The following EHD4 variants were observed in gnomAD, a reference collection of about 807,000 sequenced individuals.
The protein encoded by EHD4 is EH domain containing 4, also known as EH domain-containing protein 4.
A neutral mutation model predicts 51.0 loss-of-function variants in EHD4; 37 were observed. That is an observed-to-expected ratio of 0.73 (90% CI 0.56 to 0.95). The LOEUF (loss-of-function observed/expected upper bound fraction) is 0.95, where lower values mean the gene tolerates loss of function less well. Among genes scored for constraint, EHD4 ranks in the 40% least tolerant of loss-of-function variants. The pLI is 0.00. For synonymous variants in EHD4, 297 were observed against 317.3 expected (o/e 0.94, Z 0.68); for missense variants, 632 against 733.1 (o/e 0.86, Z 1.59).
intron 5 of EHD4, chr15:41,908,753 C>G (rs917803899): frequency 6.6e-6 from 1 of 152,210 alleles, no homozygotes; most frequent in Non-Finnish European, 1.5e-5. Flanking sequence ...TAGCACACCT[C>G]GGGATGGTTT....
chr15:41,971,008 T>C (rs756760635), intron 1 of EHD4, among the ~76,000 whole-genome samples: 3 of 152,250 alleles, frequency 2.0e-5, no homozygotes, highest in Admixed American at 6.5e-5. Flanking sequence ...AAGCACCAAA[T>C]AAAGCAATTT....
At chr15:41,914,084 A>G (rs1036485651) in intron 4 of EHD4, among the ~76,000 whole-genome samples, 2 of 152,098 alleles carry the variant, frequency 1.3e-5, no homozygotes, top group African/African-American at 4.8e-5. Flanking sequence ...CACATGTACT[A>G]AAGAGTGATA....
At chr15:41,916,020 C>T (rs998439779) in intron 4 of EHD4, among the ~76,000 whole-genome samples, 1 of 152,142 alleles carries the variant, frequency 6.6e-6, no homozygotes, top group African/African-American at 2.4e-5. Context: ...ATTAAAACGG[C>T]GCACTTGCTT....
chr15:41,959,166 G>A (rs2067907599), intron 1 of EHD4, among the ~76,000 whole-genome samples: 1 of 151,892 alleles, frequency 6.6e-6, no homozygotes, highest in African/African-American at 2.4e-5. Flanking sequence ...GCCGAGGTGG[G>A]CGGATCACGA....
chr15:41,943,708 A>G (rs1458092270), intron 2 of EHD4, among the ~76,000 whole-genome samples: 1 of 152,230 alleles, frequency 6.6e-6, no homozygotes, highest in Admixed American at 6.5e-5. Flanking sequence ...TGCCTTCTTC[A>G]GGATGCACTG....
chr15:41,920,993 T>C (rs1850341162), intron 3 of EHD4, among the ~76,000 whole-genome samples: 1 of 152,184 alleles, frequency 6.6e-6, no homozygotes, highest in African/African-American at 2.4e-5. Flanking sequence ...GTGAATAATC[T>C]ATTAGGTGAA....
chr15:41,960,443 A>T (rs1793454489), intron 1 of EHD4, among the ~76,000 whole-genome samples: 1 of 152,204 alleles, frequency 6.6e-6, no homozygotes, highest in Non-Finnish European at 1.5e-5. Flanking sequence ...GTCTTTCCTC[A>T]TACCATTAAA....
chr15:41,904,098 C>T (rs958956635), intron 5 of EHD4, among the ~76,000 whole-genome samples: 3 of 152,188 alleles, frequency 2.0e-5, no homozygotes, highest in African/African-American at 7.2e-5. Context: ...TCCCCGGGTG[C>T]GTGAACACCT....
intron 4 of EHD4, among the ~76,000 whole-genome samples, chr15:41,918,683 C>A (rs887551512): frequency 1.3e-5 from 2 of 152,182 alleles, no homozygotes; most frequent in Non-Finnish European, 2.9e-5. Flanking sequence ...TGACCCAAAA[C>A]CAGCACACTC....
At chr15:41,952,952 T>C (rs2067861841) in intron 2 of EHD4, among the ~76,000 whole-genome samples, 2 of 127,196 alleles carry the variant, frequency 1.6e-5, no homozygotes, top group Non-Finnish European at 3.1e-5. Context: ...ATCATGCCAC[T>C]GCACTCCAGC....
intron 1 of EHD4, among the ~76,000 whole-genome samples, chr15:41,963,936 G>C (rs2067944295): frequency 6.6e-6 from 1 of 151,814 alleles, no homozygotes. Flanking sequence ...ATGAAGTCAG[G>C]AGATCGAGAC....
chr15:41,940,618 T>C (rs2140998077), intron 3 of EHD4, among the ~76,000 whole-genome samples: 1 of 152,350 alleles, frequency 6.6e-6, no homozygotes, highest in East Asian at 1.9e-4. Context: ...TGTCCGTCGG[T>C]GTGGCAGGGA....
At position 41,927,428 on chromosome 15, in the gene EHD4, A is replaced by T. The variant is rs2067670108; in HGVS notation, c.512-7806T>A. Among the ~76,000 whole-genome samples the T allele has an allele frequency of 7.2e-5, 11 of 152,364 alleles. 1 individual carries two copies. In the South Asian group the frequency reaches 2.3e-3, roughly 32 times the overall value. On this transcript the variant is annotated intron_variant, in intron 3 of 5. Coordinates refer to ENST00000220325, the MANE Select transcript of EHD4 (RefSeq NM_139265.4). The stretch of plus-strand genomic sequence containing the variant: ...TGGACGCTTTATGGCAACAGCCAAG[A>T]TGTAGAAATAAGAAAAGCATCCATC...
intron 3 of EHD4, among the ~76,000 whole-genome samples, chr15:41,922,499 C>T (rs1045047041): frequency 2.6e-5 from 4 of 152,236 alleles, no homozygotes; most frequent in African/African-American, 4.8e-5. Context: ...AAACCTGCCA[C>T]CCAAACTGAA....
intron 3 of EHD4, among the ~76,000 whole-genome samples, chr15:41,941,156 A>G (rs2067767131): frequency 6.6e-6 from 1 of 152,230 alleles, no homozygotes; most frequent in Non-Finnish European, 1.5e-5. Flanking sequence ...AAAGACACAC[A>G]TAAAAAGACG....
chr15:41,957,521 T>C (rs2067895468), intron 1 of EHD4, among the ~76,000 whole-genome samples: 1 of 152,164 alleles, frequency 6.6e-6, no homozygotes, highest in Admixed American at 6.5e-5. Context: ...CAGCCTCTTA[T>C]CTTTACAAGC....
chr15:41,952,725 C>T (rs113877402), intron 2 of EHD4, among the ~76,000 whole-genome samples: 14,613 of 152,020 alleles, frequency 0.096, 845 homozygotes, highest in South Asian at 0.26. Flanking sequence ...TGTGGTGGCT[C>T]ACATCTGTAA....
chr15:41,900,985 T>G lies in EHD4; in HGVS notation c.1286A>C (p.Tyr429Ser). Residue 429 changes from tyrosine to serine, a missense_variant, in exon 6 of 6, where the codon TAC (tyrosine) becomes TCC (serine). Physicochemically the swap from Tyr to Ser is moderately radical, Grantham distance 144 (BLOSUM62 -2). Transcript: ENST00000220325. This position sits in a 1 kb window ranked among gnomAD's most constrained non-coding sequence, Gnocchi z 4.8. ...GTTEGPFNQG[Y>S]GEGAKEGADE... is the part of the protein sequence containing the mutation. ...GGCGCCCTCCTTGGCACCCTCCCCG[T>G]AGCCCTGGTTGAAGGGGCCCTCGGT... The G allele has an allele frequency of 1.2e-6, 2 of 1,610,020 alleles. No homozygotes were observed. Among genetic ancestry groups the G allele is most frequent in the Non-Finnish European group, 1.7e-6 (2 of 1,176,786 alleles).
intron 3 of EHD4, among the ~76,000 whole-genome samples, chr15:41,936,572 C>T (rs1045513109): frequency 1.3e-5 from 2 of 152,116 alleles, no homozygotes; most frequent in Non-Finnish European, 2.9e-5. Flanking sequence ...ATATGAAATG[C>T]TCTATATGCA....
Sources: gnomAD v4.1 joint callset for allele counts (sites outside exome capture counted in the v4.1 genomes callset) on GRCh38, gnomAD v4.1.1 for gene constraint, Gnocchi (gnomAD v3.1) non-coding constraint, MANE v1.5 for transcripts, NCBI Gene and HGNC (gene_info 2026-07-23, HGNC 2026-07-21) for gene names.